SULF2: variants seen among roughly 807,000 people sequenced by gnomAD.
The protein encoded by SULF2 is extracellular sulfatase Sulf-2.
SULF2 carries 52 observed loss-of-function variants against 107.7 expected under a neutral mutation model. That is an observed-to-expected ratio of 0.48 (90% CI 0.39 to 0.61). The LOEUF is 0.61. Among genes scored for constraint, SULF2 ranks in the 20% least tolerant of loss-of-function variants. The pLI, the probability that SULF2 is intolerant of heterozygous loss-of-function variation, is 0.00. For synonymous variants in SULF2, 460 were observed against 464.3 expected (o/e 0.99, Z 0.12); for missense variants, 993 against 1,177.3 (o/e 0.84, Z 2.29).
Position 47,736,777 on chromosome 20 carries a change from G to C in SULF2, c.341C>G (p.Ser114Cys). ...GTGCTGTGCCTGCCAGGAGGGCGAG[G>C]AGCAGTTCTCATTGTTGGTGTAGGT... ...HNTYTNNENCSSPSWQAQHES... is the reference protein window; with the variant it reads ...HNTYTNNENCCSPSWQAQHES... Residue 114 changes from serine to cysteine, a missense_variant, in exon 3 of 21, where the codon TCC becomes TGC. Physicochemically the swap from Ser to Cys is moderately radical, Grantham distance 112 (BLOSUM62 -1). Around this residue, in one of 3 missense-constraint regions of SULF2, gnomAD observed 388 missense variants for 449.2 expected, o/e 0.86. Coordinates refer to ENST00000688720, the MANE Select transcript of SULF2 (RefSeq NM_001387048.1). 6.2e-7 allele frequency: 1 copy of C among 1,614,258 alleles called. No homozygotes were observed. Among genetic ancestry groups the C allele is most frequent in the Non-Finnish European group, 8.5e-7 (1 of 1,180,040 alleles).
rs762851681 is a variant in SULF2 at position 47,666,167 on chromosome 20, C to T, written c.1805+93G>A. The stretch of plus-strand genomic sequence containing the variant: ...CCACTGAAGTCCCCACCATCCTTGT[C>T]ATCTTGGTCCTCAGGGGCCCAAGAG... On this transcript the variant is annotated intron_variant, in intron 12 of 20. Transcript: ENST00000688720. The surrounding 1 kb of genome is among the most constrained non-coding windows in gnomAD (Gnocchi z 5.4). 1.9e-6 allele frequency: 3 copies of T among 1,609,900 alleles called. No individual in the cohort carries two copies. The African/African-American group carries it at 4.1e-5, about 22-fold the overall frequency.
At chr20:47,760,853 C>T (rs2090402985) in intron 1 of SULF2, among the ~76,000 whole-genome samples, 1 of 152,228 alleles carries the variant, frequency 6.6e-6, no homozygotes, top group Non-Finnish European at 1.5e-5. Context: ...CTCTCGTCTG[C>T]AGAAACATAC....
rs1019304552 is a variant in SULF2, at chr20:47,657,720, T to C, written c.*642A>G. ...TTATTGACACCACCACTCCTGAAAA[T>C]TGGGATTTCTTATTAGGTTCCCCTA... On this transcript the variant is annotated 3_prime_UTR_variant, in exon 21 of 21. Transcript: ENST00000688720. 1.3e-5 allele frequency: 2 copies of C among 152,310 alleles called. No individual in the cohort carries two copies. The highest frequency in any genetic ancestry group is 2.4e-5 in the African/African-American group (1 of 41,460). The allele number at this position is 152,310 out of a possible 1,614,324, so 9.4% of individuals were successfully genotyped here.
chr20:47,660,048 G>C (rs2087016237), intron 18 of SULF2, among the ~76,000 whole-genome samples: 1 of 152,244 alleles, frequency 6.6e-6, no homozygotes, highest in Non-Finnish European at 1.5e-5. Flanking sequence ...GTGCTCCAGA[G>C]GACAGAAAGC....
At chr20:47,708,629 C>T (rs947841823) in intron 3 of SULF2, among the ~76,000 whole-genome samples, 1 of 152,190 alleles carries the variant, frequency 6.6e-6, no homozygotes, top group East Asian at 1.9e-4. Context: ...GAGAAAAAGG[C>T]TTCACTGAAC....
chr20:47,769,966 G>C (rs1341049689), intron 1 of SULF2, among the ~76,000 whole-genome samples: 1 of 152,002 alleles, frequency 6.6e-6, no homozygotes, highest in African/African-American at 2.4e-5. Context: ...GCCTGAGGGA[G>C]GGCCGGAAAG....
At chr20:47,675,649 T>C (rs1409262135) in intron 10 of SULF2, among the ~76,000 whole-genome samples, 2 of 152,046 alleles carry the variant, frequency 1.3e-5, no homozygotes, top group Non-Finnish European at 2.9e-5. Context: ...CAGCCCCAGC[T>C]CAAAGTCCCA....
intron 9 of SULF2, 23 bp downstream of exon 9, chr20:47,677,055 C>A: frequency 6.2e-7 from 1 of 1,612,638 alleles, no homozygotes; most frequent in South Asian, 1.1e-5. Flanking sequence ...GCAGGGGTGT[C>A]CCTCCCAGGA....
intron 3 of SULF2, among the ~76,000 whole-genome samples, chr20:47,713,121 A>T (rs2088990463): frequency 6.6e-6 from 1 of 152,140 alleles, no homozygotes; most frequent in Non-Finnish European, 1.5e-5. Context: ...TGCTGAAAAA[A>T]ATGGGTCAAC....
At chr20:47,685,960 GT>G (rs1174519988) in intron 5 of SULF2, 2 of 152,244 alleles carry the variant, frequency 1.3e-5, no homozygotes, top group Non-Finnish European at 2.9e-5. Context: ...TCGAGCCCCA[GT>G]TCTGTCTTTG....
rs1275995870 is a variant in SULF2 at position 47,680,309 on chromosome 20, G to A, written c.1065-1505C>T. Among the ~76,000 whole-genome samples the A allele has an allele frequency of 6.6e-6, 1 of 152,132 alleles. No individual in the cohort carries two copies. Among genetic ancestry groups the A allele is most frequent in the Non-Finnish European group, 1.5e-5 (1 of 68,018 alleles). On this transcript the variant is annotated intron_variant, in intron 7 of 20. Transcript: ENST00000688720. This position sits in a 1 kb window ranked among gnomAD's most constrained non-coding sequence, Gnocchi z 4.2. ...GTAGAGGTGGGGTTTCACCATGTTG[G>A]CCAGGCTACTCTTGAACTCCTGACC...
intron 3 of SULF2, among the ~76,000 whole-genome samples, chr20:47,732,012 ATGT>A (rs2089624952): frequency 6.6e-6 from 1 of 152,156 alleles, no homozygotes; most frequent in African/African-American, 2.4e-5. Flanking sequence ...GGGCTGTGTG[ATGT>A]TGTGCTATTG....
Position 47,663,615 on chromosome 20 carries a change from G to A in SULF2, c.2065C>T (p.Leu689=), listed in dbSNP as rs1268108825. The change falls in exon 16 of 21, where the codon CTG becomes TTG. Residue 689 remains leucine, a synonymous_variant. Coordinates refer to ENST00000688720, the MANE Select transcript of SULF2 (RefSeq NM_001387048.1). ...GSSLHPFRKG[L]QEKDKVWLLR... is the part of the protein sequence containing the mutation. ...AGCCACACCTTGTCCTTCTCTTGCAGGCCCTTCCTATGGGCGCAGAGGGCC... is the reference window on the plus strand; with the variant it reads ...AGCCACACCTTGTCCTTCTCTTGCAAGCCCTTCCTATGGGCGCAGAGGGCC... 2 of 1,588,860 alleles carry A rather than the reference G, an allele frequency of 1.3e-6. No individual in the cohort carries two copies. Among genetic ancestry groups the A allele is most frequent in the African/African-American group, 2.7e-5 (2 of 74,464 alleles).
intron 3 of SULF2, among the ~76,000 whole-genome samples, chr20:47,727,687 T>C (rs947121232): frequency 3.9e-5 from 6 of 152,070 alleles, no homozygotes; most frequent in Non-Finnish European, 8.8e-5. Context: ...TGGGCACAGG[T>C]CACGTATCAC....
At chr20:47,731,182 C>CTTTTTTTTTTTTT (rs1342480404) in intron 3 of SULF2, among the ~76,000 whole-genome samples, 6 of 99,608 alleles carry the variant, frequency 6.0e-5, no homozygotes, top group African/African-American at 1.6e-4. Flanking sequence ...TCACCTGTAT[C>CTTTTTTTTTTTTT]TTCTCTTTTT....
At chr20:47,721,689 T>C (rs1480560180) in intron 3 of SULF2, among the ~76,000 whole-genome samples, 2 of 152,150 alleles carry the variant, frequency 1.3e-5, no homozygotes, top group African/African-American at 4.8e-5. Flanking sequence ...GTTTCTATAG[T>C]GGATATCTGT....
At chr20:47,751,666 C>A (rs1334733817) in intron 2 of SULF2, among the ~76,000 whole-genome samples, 1 of 152,142 alleles carries the variant, frequency 6.6e-6, no homozygotes, top group African/African-American at 2.4e-5. Context: ...TCCAGCCGCA[C>A]CTGAAGCTCA....
chr20:47,697,704 G>A (rs1201569033), intron 4 of SULF2, among the ~76,000 whole-genome samples: 1 of 152,260 alleles, frequency 6.6e-6, no homozygotes, highest in African/African-American at 2.4e-5. Flanking sequence ...TCCCTCACAG[G>A]GCTGTTCTCA....
intron 4 of SULF2, among the ~76,000 whole-genome samples, chr20:47,700,035 TG>T (rs1200020586): frequency 1.3e-5 from 2 of 152,146 alleles, no homozygotes; most frequent in Admixed American, 6.5e-5. Flanking sequence ...GGGATGGATT[TG>T]GCAGCTGGTC....
Sources: gnomAD v4.1 joint callset for allele counts (sites outside exome capture counted in the v4.1 genomes callset) on GRCh38, gnomAD v4.1.1 for gene constraint, gnomAD v4.1.1 regional missense constraint, Gnocchi (gnomAD v3.1) non-coding constraint, MANE v1.5 for transcripts, NCBI Gene and HGNC (gene_info 2026-07-23, HGNC 2026-07-21) for gene names.